Variants in SMLR1 observed in about 807,000 individuals in gnomAD.
SMLR1 encodes the protein small leucine-rich protein 1.
SMLR1 carries 3 observed loss-of-function variants against 6.1 expected under a neutral mutation model. The ratio of observed to expected loss-of-function variants is 0.49; its 90% CI spans 0.22 to 1.28. The LOEUF (loss-of-function observed/expected upper bound fraction) is 1.28. SMLR1 is among the 50% of genes most tolerant of loss of function. SMLR1 has a pLI of 0.19. For missense variants in SMLR1, 126 were observed against 124.8 expected (o/e 1.01, Z -0.05); for synonymous variants, 55 against 53.6 (o/e 1.03, Z -0.11).
At chr6:130,833,271 C>T (rs1774525813) in intron 1 of SMLR1, among the ~76,000 whole-genome samples, 1 of 152,146 alleles carries the variant, frequency 6.6e-6, no homozygotes, top group Admixed American at 6.5e-5. Flanking sequence ...TTCCTCTTGG[C>T]CTCTCCATTC....
At chr6:130,828,963 C>T (rs1167412677) in intron 1 of SMLR1, among the ~76,000 whole-genome samples, 1 of 152,164 alleles carries the variant, frequency 6.6e-6, no homozygotes, top group Admixed American at 6.6e-5. Context: ...CCATGGCTTC[C>T]CTTCAGTGTC....
At chr6:130,834,784 T>G in intron 1 of SMLR1, 86 bp from the exon 2 acceptor site, 1 of 1,103,604 alleles carries the variant, frequency 9.1e-7, no homozygotes, top group Non-Finnish European at 1.3e-6. Context: ...CAGTGTCAGA[T>G]ATGCTGGCCA....
chr6:130,830,593 G>A (rs1774410949), intron 1 of SMLR1, among the ~76,000 whole-genome samples: 1 of 152,182 alleles, frequency 6.6e-6, no homozygotes, highest in South Asian at 2.1e-4. Flanking sequence ...ATCTTGAATA[G>A]GGGCTAGGTA....
intron 1 of SMLR1, among the ~76,000 whole-genome samples, chr6:130,833,411 ATAAGAG>A (rs1317665212): frequency 7.2e-5 from 11 of 152,274 alleles, no homozygotes; most frequent in Admixed American, 3.3e-4. Flanking sequence ...GCCATTGGTA[ATAAGAG>A]TAAAAGGGAA....
chr6:130,828,842 G>A (rs1252022719), intron 1 of SMLR1, among the ~76,000 whole-genome samples: 1 of 152,078 alleles, frequency 6.6e-6, no homozygotes, highest in African/African-American at 2.4e-5. Flanking sequence ...ATCCTCCACT[G>A]CCCTAAGACC....
rs116696205 is a variant in SMLR1, at chr6:130,827,600, A to G, written c.187A>G (p.Thr63Ala). 1,180 of 1,535,914 alleles carry G rather than the reference A, an allele frequency of 7.7e-4. 12 individuals carry two copies. In the African/African-American group the frequency reaches 0.014, roughly 19 times the overall value. Reference sequence around the variant, plus strand: ...GTTCTTTGGGGTCTTCCTCCCCGTGACTTTGCTGCTGCTCCTCCTCATCGC... The same window carrying G: ...GTTCTTTGGGGTCTTCCTCCCCGTGGCTTTGCTGCTGCTCCTCCTCATCGC... ...FLFFGVFLPVTLLLLLLIAYF... is the reference protein window; with the variant it reads ...FLFFGVFLPVALLLLLLIAYF... Residue 63 changes from threonine to alanine, a missense_variant, in exon 1 of 2, where the codon ACT becomes GCT. Physicochemically the swap from Thr to Ala is moderately conservative, Grantham distance 58. Transcript: ENST00000541421.
rs1774499624 is a variant in SMLR1, at chr6:130,832,633, GTT to G, written c.239-2235_239-2234del. On this transcript the variant is annotated intron_variant, in intron 1 of 1. Coordinates refer to ENST00000541421, the MANE Select transcript of SMLR1 (RefSeq NM_001195597.2). ...AGCTTGAGAATTCTAAGAAGGCACTGTTTGTGTCATTATAGCATTACAGTAGC... is the reference window on the plus strand; with the variant it reads ...AGCTTGAGAATTCTAAGAAGGCACTGTGTGTCATTATAGCATTACAGTAGC... Among the ~76,000 whole-genome samples the G allele has an allele frequency of 2.0e-5, 3 of 152,194 alleles. No individual in the cohort carries two copies. In the South Asian group the frequency reaches 6.2e-4, roughly 31 times the overall value.
rs951539778 is a variant in SMLR1, at chr6:130,835,658, A to G, written c.*703A>G. On this transcript the variant is annotated 3_prime_UTR_variant, in exon 2 of 2. Coordinates refer to ENST00000541421, the MANE Select transcript of SMLR1 (RefSeq NM_001195597.2). The stretch of plus-strand genomic sequence containing the variant: ...GAAAAGGAAAGGGCAGAATGTTCAC[A>G]TAATTCCTGAGGAGGAGAATACAAG... 7.2e-5 allele frequency: 11 copies of G among 152,272 alleles called. No homozygotes were observed. The highest frequency in any genetic ancestry group is 2.6e-4 in the Admixed American group (4 of 15,280). 9.4% of individuals were successfully genotyped at this position (152,272 alleles called of 1,614,324 possible).
intron 1 of SMLR1, among the ~76,000 whole-genome samples, chr6:130,833,032 C>A (rs1476559731): frequency 1.3e-5 from 2 of 152,180 alleles, no homozygotes; most frequent in Non-Finnish European, 2.9e-5. Context: ...GGGCACACTG[C>A]ATTGCTTGCA....
At chr6:130,833,341 A>AT (rs1408628870) in intron 1 of SMLR1, among the ~76,000 whole-genome samples, 1 of 152,058 alleles carries the variant, frequency 6.6e-6, no homozygotes, top group African/African-American at 2.4e-5. Context: ...CAGGTCACCC[A>AT]TTTTCAGCTC....
chr6:130,834,788 C>T (rs760604940), intron 1 of SMLR1, 82 bp from the exon 2 acceptor site: 8 of 1,174,692 alleles, frequency 6.8e-6, no homozygotes, highest in Non-Finnish European at 9.7e-6. Context: ...GTCAGATATG[C>T]TGGCCAACAG....
chr6:130,830,459 C>T (rs1031799446), intron 1 of SMLR1, among the ~76,000 whole-genome samples: 3 of 152,120 alleles, frequency 2.0e-5, no homozygotes, highest in Non-Finnish European at 4.4e-5. Context: ...TTACTTAACG[C>T]AATGGGGGTC....
At chr6:130,834,186 A>G (rs1259520413) in intron 1 of SMLR1, among the ~76,000 whole-genome samples, 4 of 152,176 alleles carry the variant, frequency 2.6e-5, no homozygotes, top group Non-Finnish European at 5.9e-5. Flanking sequence ...TTATTGCCAG[A>G]GACATAATAG....
In SMLR1 at chr6:130,836,131, C is replaced by T. The variant is rs1215852746; in HGVS notation, c.*1176C>T. 4 of 152,246 alleles carry T rather than the reference C, an allele frequency of 2.6e-5. No homozygotes were observed. The highest frequency in any genetic ancestry group is 1.3e-4 in the Admixed American group (2 of 15,284). The allele number at this position is 152,246 out of a possible 1,614,324, so 9.4% of individuals were successfully genotyped here. ...ACCCTAAAATTCTTGATACCCATTC[C>T]GTGAGTAGTTTCCATTTGCACTTCT... is the stretch of plus-strand genomic sequence containing the variant. On this transcript the variant is annotated 3_prime_UTR_variant, in exon 2 of 2. Transcript: ENST00000541421.
rs980808613 is a variant in SMLR1, at chr6:130,830,591, T to C, written c.238+2940T>C. On this transcript the variant is annotated intron_variant, in intron 1 of 1. Coordinates refer to ENST00000541421, the MANE Select transcript of SMLR1 (RefSeq NM_001195597.2). ...TAAACGAGAGCAACTCCATCTTGAA[T>C]AGGGGCTAGGTAAAATGAGGCTGAG... 3.9e-5 allele frequency among the ~76,000 whole-genome samples: 6 copies of C among 152,166 alleles called. No homozygotes were observed. In the South Asian group the frequency reaches 1.2e-3, roughly 31 times the overall value.
At position 130,833,123 on chromosome 6, in the gene SMLR1, C is replaced by A. The variant is rs566597989; in HGVS notation, c.239-1747C>A. Among the ~76,000 whole-genome samples the A allele has an allele frequency of 2.6e-5, 4 of 152,202 alleles. No homozygotes were observed. In the South Asian group the frequency reaches 8.3e-4, roughly 32 times the overall value. On this transcript the variant is annotated intron_variant, in intron 1 of 1. Transcript: ENST00000541421. ...TCTCTGCACATCCTCCTTAATAGAC[C>A]CAATGAAATGAAATGACAGCCAAAT...
chr6:130,832,518 T>C (rs943709640), intron 1 of SMLR1, among the ~76,000 whole-genome samples: 15 of 152,172 alleles, frequency 9.9e-5, no homozygotes, highest in African/African-American at 3.1e-4. Flanking sequence ...GGACATACTA[T>C]AGGACGGGTA....
chr6:130,828,076 ACAC>A (rs1254975063), intron 1 of SMLR1, among the ~76,000 whole-genome samples: 1 of 152,232 alleles, frequency 6.6e-6, no homozygotes, highest in Non-Finnish European at 1.5e-5. Flanking sequence ...GTGTGCACAC[ACAC>A]AACTTTCTCA....
chr6:130,829,918 C>A (rs1774388666), intron 1 of SMLR1, among the ~76,000 whole-genome samples: 1 of 152,180 alleles, frequency 6.6e-6, no homozygotes, highest in Non-Finnish European at 1.5e-5. Flanking sequence ...GTCATTACAC[C>A]AACTTTAAAG....
Sources: allele counts gnomAD v4.1 joint callset (sites outside exome capture counted in the v4.1 genomes callset), GRCh38; gene constraint gnomAD v4.1.1; transcripts MANE v1.5; gene names NCBI Gene and HGNC (gene_info 2026-07-23, HGNC 2026-07-21).